The following DOCK7 variants were observed in gnomAD, a reference collection of about 807,000 sequenced individuals.
DOCK7 encodes the protein dedicator of cytokinesis protein 7.
Under a neutral mutation model 271.0 loss-of-function variants are expected in DOCK7, and 138 were observed. The observed-to-expected ratio is 0.51, with a 90% CI of 0.44 to 0.59. DOCK7 has a LOEUF of 0.59. Among genes scored for constraint, DOCK7 ranks in the 20% least tolerant of loss-of-function variants. The pLI is 0.00. For missense variants in DOCK7, 2,066 were observed against 2,592.4 expected, an observed-to-expected ratio of 0.80 and a Z score of 4.41; for synonymous variants, 823 against 876.1, an observed-to-expected ratio of 0.94 and a Z score of 1.07.
At chr1:62,519,497 T>C (rs1644780125) in intron 31 of DOCK7, among the ~76,000 whole-genome samples, 2 of 152,104 alleles carry the variant, frequency 1.3e-5, no homozygotes, top group African/African-American at 4.8e-5. Context: ...AAAAACAACT[T>C]CTTAAATAGC....
chr1:62,667,843 C>A (rs1421731927), intron 1 of DOCK7, among the ~76,000 whole-genome samples: 1 of 152,032 alleles, frequency 6.6e-6, no homozygotes, highest in Non-Finnish European at 1.5e-5. Flanking sequence ...CATGGTGAAA[C>A]CCCGTCTCTA....
rs2149370406 is a variant in DOCK7 at position 62,528,198 on chromosome 1, A to G, written c.3889T>C (p.Ser1297Pro). 2 of 1,613,808 alleles carry G rather than the reference A, an allele frequency of 1.2e-6. No homozygotes were observed. Among genetic ancestry groups the G allele is most frequent in the Middle Eastern group, 1.7e-4 (1 of 6,060 alleles). The change falls in exon 31 of 50, where the codon TCG (serine) becomes CCG (proline). Residue 1297 changes from serine to proline, a missense_variant. By Grantham distance (74) the Ser-to-Pro change is moderately conservative. Coordinates refer to ENST00000635253, the MANE Select transcript of DOCK7 (RefSeq NM_001367561.1). ...QTVAMAIAGT[S>P]VPQLTRPGSF... The stretch of plus-strand genomic sequence containing the variant: ...CCAGGCCTTGTTAGTTGAGGGACCG[A>G]TGTCCCTGCGATTGCCATGGCAACG...
chr1:62,675,784 C>T (rs1227513211), intron 1 of DOCK7, among the ~76,000 whole-genome samples: 3 of 149,280 alleles, frequency 2.0e-5, no homozygotes, highest in African/African-American at 7.4e-5. Context: ...GACTCCATCT[C>T]AAAGAAGAAA....
intron 7 of DOCK7, among the ~76,000 whole-genome samples, chr1:62,644,850 G>A (rs1280056718): frequency 6.6e-6 from 1 of 152,058 alleles, no homozygotes; most frequent in Non-Finnish European, 1.5e-5. Flanking sequence ...CAAATCAGAT[G>A]TATATAATTA....
At chr1:62,673,579 G>A (rs1317165987) in intron 1 of DOCK7, among the ~76,000 whole-genome samples, 1 of 152,070 alleles carries the variant, frequency 6.6e-6, no homozygotes, top group African/African-American at 2.4e-5. Context: ...ACTGCAAAAG[G>A]TCAATCCTCC....
At chr1:62,588,154 A>G (rs959958095) in intron 14 of DOCK7, among the ~76,000 whole-genome samples, 2 of 152,228 alleles carry the variant, frequency 1.3e-5, no homozygotes, top group Non-Finnish European at 2.9e-5. Context: ...ATCAAAGATG[A>G]CTATGACTGA....
chr1:62,468,958 G>A (rs1356678616), intron 48 of DOCK7, among the ~76,000 whole-genome samples: 1 of 152,154 alleles, frequency 6.6e-6, no homozygotes, highest in East Asian at 1.9e-4. Flanking sequence ...CATGTTCATG[G>A]ATGGGTAGAA....
intron 1 of DOCK7, among the ~76,000 whole-genome samples, chr1:62,687,857 C>A (rs1392589963): frequency 4.6e-5 from 7 of 152,270 alleles, no homozygotes; most frequent in Admixed American, 3.3e-4. Flanking sequence ...GCGGCGGCCC[C>A]CGACGAGCCC....
chr1:62,543,744 G>A lies in DOCK7; in HGVS notation c.2861C>T (p.Ala954Val). 1 of 1,576,204 alleles carries A rather than the reference G, an allele frequency of 6.3e-7. No individual in the cohort carries two copies. Among genetic ancestry groups the A allele is most frequent in the Non-Finnish European group, 8.7e-7 (1 of 1,152,470 alleles). The stretch of plus-strand genomic sequence containing the variant: ...CATACGATTACAACTTCGATCCATA[G>A]CCTATGGAGTGAAGATGAATGAATG... ...NPSPSAESTQ[A>V]MDRSCNRMSS... The change falls in exon 24 of 50, where the codon GCT becomes GTT. Residue 954 changes from alanine to valine, a missense_variant and splice_region_variant. Physicochemically the swap from Ala to Val is moderately conservative, Grantham distance 64 (BLOSUM62 0). Transcript: ENST00000635253.
At chr1:62,537,613 G>A (rs1215650145) in intron 28 of DOCK7, among the ~76,000 whole-genome samples, 1 of 150,764 alleles carries the variant, frequency 6.6e-6, no homozygotes, top group Non-Finnish European at 1.5e-5. Flanking sequence ...AAGAACTTGG[G>A]CTCTAAAATA....
intron 33 of DOCK7, chr1:62,510,953 C>T (rs1049123291): frequency 9.4e-6 from 3 of 320,146 alleles, no homozygotes; most frequent in African/African-American, 6.5e-5. Flanking sequence ...TTAACCATGG[C>T]TTATAAGGCC....
intron 27 of DOCK7, among the ~76,000 whole-genome samples, chr1:62,539,207 C>G (rs1162396752): frequency 6.6e-6 from 1 of 152,124 alleles, no homozygotes; most frequent in African/African-American, 2.4e-5. Flanking sequence ...GAAGTCCACT[C>G]GGTATAAATG....
intron 2 of DOCK7, 46 bp from the exon 3 acceptor site, chr1:62,654,205 A>G: frequency 1.3e-6 from 2 of 1,508,092 alleles, no homozygotes; most frequent in Non-Finnish European, 1.8e-6. Context: ...ACAAGAGGTG[A>G]ATGTAATAAT....
chr1:62,553,678 A>C (rs1646032929), intron 21 of DOCK7, among the ~76,000 whole-genome samples: 1 of 151,928 alleles, frequency 6.6e-6, no homozygotes, highest in Non-Finnish European at 1.5e-5. Context: ...GAAAATAAAA[A>C]CACTCAAGAA....
intron 14 of DOCK7, among the ~76,000 whole-genome samples, chr1:62,607,353 C>T (rs145620150): frequency 2.6e-4 from 40 of 152,280 alleles, no homozygotes; most frequent in African/African-American, 9.1e-4. Flanking sequence ...GCCTGGAACC[C>T]GGAAGACATC....
intron 2 of DOCK7, among the ~76,000 whole-genome samples, chr1:62,657,783 A>C (rs548635891): frequency 4.6e-5 from 7 of 152,186 alleles, no homozygotes; most frequent in Non-Finnish European, 1.0e-4. Context: ...CAATAGCAGA[A>C]AAGAGGGGAC....
chr1:62,686,952 T>G lies in DOCK7; in HGVS notation c.38+1275A>C, dbSNP rs145671324. 2.0e-5 allele frequency among the ~76,000 whole-genome samples: 3 copies of G among 152,206 alleles called. No individual in the cohort carries two copies. The East Asian group carries it at 5.8e-4, about 29-fold the overall frequency. On this transcript the variant is annotated intron_variant, in intron 1 of 49. Transcript: ENST00000635253. ...CAACACCACACCTGGCTAATTTTTT[T>G]GCAGAGATGGGGTGGGGGGGACTCG...
In DOCK7 at chr1:62,583,211, G is replaced by T. The variant is rs1647190685; in HGVS notation, c.1844C>A (p.Ala615Asp). The T allele has an allele frequency of 1.2e-6, 2 of 1,613,054 alleles. No homozygotes were observed. The highest frequency in any genetic ancestry group is 1.7e-6 in the Non-Finnish European group (2 of 1,179,402). The change falls in exon 16 of 50, where the codon GCC becomes GAC. Residue 615 changes from alanine (A) to aspartate (D), a missense_variant. Transcript: ENST00000635253. ...KSSCSEFSKE[A>D]YTAVVYHNRS... ...GTTATGATATACTACGGCTGTATAG[G>T]CTTCCTTTGAAAATTCTGAACAGCT...
At chr1:62,476,303 C>A in intron 44 of DOCK7, 147 bp from the exon 45 acceptor site, 1 of 553,576 alleles carries the variant, frequency 1.8e-6, no homozygotes. Flanking sequence ...TTTAGGCTTA[C>A]AAAAATTATA....
Sources: gnomAD v4.1 joint callset for allele counts (sites outside exome capture counted in the v4.1 genomes callset) on GRCh38, gnomAD v4.1.1 for gene constraint, MANE v1.5 for transcripts, NCBI Gene and HGNC (gene_info 2026-07-23, HGNC 2026-07-21) for gene names.